TAFA2: variants seen among roughly 807,000 people sequenced by gnomAD.
TAFA2 encodes the protein chemokine-like protein TAFA-2.
Under a neutral mutation model 18.8 loss-of-function variants are expected in TAFA2, and 7 were observed. The observed-to-expected ratio is 0.37, with a 90% CI of 0.21 to 0.70. TAFA2 has a LOEUF of 0.70. Ranked by LOEUF, TAFA2 falls within the 30% of genes least tolerant of loss-of-function variation. The pLI, the probability that TAFA2 is intolerant of heterozygous loss-of-function variation, is 0.53. For missense variants in TAFA2, 122 were observed against 158.1 expected, an observed-to-expected ratio of 0.77 and a Z score of 1.23; for synonymous variants, 60 against 54.2, an observed-to-expected ratio of 1.11 and a Z score of -0.47.
chr12:62,042,428 TGC>T lies in TAFA2; in HGVS notation c.-2+148829_-2+148830del, dbSNP rs1555185799. Among the ~76,000 whole-genome samples the T allele has an allele frequency of 4.7e-3, 349 of 74,426 alleles. 1 individual carries two copies. Among genetic ancestry groups the T allele is most frequent in the South Asian group, 0.02 (61 of 2,994 alleles). The allele number at this position is 74,426 out of a possible 152,430, so 48.8% of individuals were successfully genotyped here. On this transcript the variant is annotated intron_variant, in intron 1 of 4. Coordinates refer to ENST00000416284, the MANE Select transcript of TAFA2 (RefSeq NM_178539.5). ...GTGTGTGTGTGTGTGTGTGTGTGTG[TGC>T]GCGTGTGTGTGTGTGTGTGTGACAT...
At chr12:61,813,649 T>C (rs1180763636) in intron 2 of TAFA2, among the ~76,000 whole-genome samples, 1 of 151,538 alleles carries the variant, frequency 6.6e-6, no homozygotes, top group African/African-American at 2.5e-5. Flanking sequence ...ATATTCTTCA[T>C]GTTTATTTCC....
intron 2 of TAFA2, among the ~76,000 whole-genome samples, chr12:61,793,579 T>C (rs1035868796): frequency 1.3e-5 from 2 of 151,748 alleles, no homozygotes; most frequent in Non-Finnish European, 3.0e-5. Flanking sequence ...CTCATATCTA[T>C]CAAATAAATT....
intron 1 of TAFA2, among the ~76,000 whole-genome samples, chr12:62,157,129 A>G (rs868427001): frequency 2.4e-4 from 36 of 152,216 alleles, no homozygotes; most frequent in Middle Eastern, 3.2e-3. Context: ...AAAATGAAGG[A>G]CAATAATAAA....
At chr12:62,038,992 T>G (rs1000731394) in intron 1 of TAFA2, among the ~76,000 whole-genome samples, 1 of 152,190 alleles carries the variant, frequency 6.6e-6, no homozygotes, top group South Asian at 2.1e-4. Flanking sequence ...ATTGCTCCTT[T>G]GCAACATCTG....
At chr12:62,004,942 T>A (rs78497597) in intron 1 of TAFA2, among the ~76,000 whole-genome samples, 1 of 151,898 alleles carries the variant, frequency 6.6e-6, no homozygotes, top group Admixed American at 6.6e-5. Context: ...AGAAAAATAA[T>A]GTATGATCTC....
intron 1 of TAFA2, among the ~76,000 whole-genome samples, chr12:61,900,690 TCC>T (rs1241985633): frequency 6.6e-6 from 1 of 151,974 alleles, no homozygotes; most frequent in East Asian, 1.9e-4. Context: ...TTCCATCAGA[TCC>T]CTCCCATGAC....
chr12:61,825,901 T>C (rs1312026810), intron 2 of TAFA2, among the ~76,000 whole-genome samples: 2 of 152,072 alleles, frequency 1.3e-5, no homozygotes, highest in African/African-American at 4.8e-5. Flanking sequence ...CCTATCCCTA[T>C]TTAAGTCATT....
In TAFA2 at chr12:62,058,964, G is replaced by A. The variant is rs547330477; in HGVS notation, c.-2+132295C>T. 2.4e-3 allele frequency among the ~76,000 whole-genome samples: 371 copies of A among 152,180 alleles called. 1 individual carries two copies. Among genetic ancestry groups the A allele is most frequent in the Middle Eastern group, 0.01 (3 of 294 alleles). ...TAAAAATACAAAAAATTAGCCTGGCGTGGTGGCGGGCGCCTGTAGTCTCAG... is the reference window on the plus strand; with the variant it reads ...TAAAAATACAAAAAATTAGCCTGGCATGGTGGCGGGCGCCTGTAGTCTCAG... On this transcript the variant is annotated intron_variant, in intron 1 of 4. Coordinates refer to ENST00000416284, the MANE Select transcript of TAFA2 (RefSeq NM_178539.5).
intron 1 of TAFA2, among the ~76,000 whole-genome samples, chr12:62,055,121 G>A (rs1882154889): frequency 6.6e-6 from 1 of 152,116 alleles, no homozygotes; most frequent in Non-Finnish European, 1.5e-5. Context: ...AGGTCCCAGA[G>A]AGCTCCCTCC....
intron 1 of TAFA2, among the ~76,000 whole-genome samples, chr12:62,224,812 C>CA (rs1205094631): frequency 3.9e-5 from 6 of 152,104 alleles, no homozygotes; most frequent in Non-Finnish European, 8.8e-5. Flanking sequence ...AATGAGTGTA[C>CA]TTAATGCCAC....
intron 1 of TAFA2, among the ~76,000 whole-genome samples, chr12:61,871,604 G>T (rs1163316951): frequency 6.6e-6 from 1 of 152,170 alleles, no homozygotes; most frequent in East Asian, 1.9e-4. Flanking sequence ...GAGCACAAGG[G>T]AAAAGAGGAA....
chr12:61,949,336 T>C (rs995169000), intron 1 of TAFA2, among the ~76,000 whole-genome samples: 2 of 152,116 alleles, frequency 1.3e-5, no homozygotes, highest in African/African-American at 4.8e-5. Context: ...ATGGAACTTA[T>C]ACCACTGGCT....
Position 61,888,667 on chromosome 12 carries a change from A to C in TAFA2, c.-1-21241T>G, listed in dbSNP as rs1049536421. Among the ~76,000 whole-genome samples the C allele has an allele frequency of 8.5e-5, 13 of 152,218 alleles. 1 individual carries two copies. The highest frequency in any genetic ancestry group is 6.5e-5 in the Admixed American group (1 of 15,294). On this transcript the variant is annotated intron_variant, in intron 1 of 4. Coordinates refer to ENST00000416284, the MANE Select transcript of TAFA2 (RefSeq NM_178539.5). ...AGATAAAAATACTTTTTGAATAAAA[A>C]TTAGGGTCCCCAAGCAAGGATGCAA...
chr12:61,933,171 T>C (rs1877632125), intron 1 of TAFA2, among the ~76,000 whole-genome samples: 1 of 152,194 alleles, frequency 6.6e-6, no homozygotes, highest in African/African-American at 2.4e-5. Context: ...ATGTGTCTCA[T>C]TTCTAGATTT....
intron 1 of TAFA2, among the ~76,000 whole-genome samples, chr12:61,991,642 TA>T (rs963334712): frequency 3.3e-5 from 5 of 152,200 alleles, no homozygotes; most frequent in African/African-American, 4.8e-5. Flanking sequence ...CCATCTTTTT[TA>T]AAAAAACTTT....
intron 1 of TAFA2, among the ~76,000 whole-genome samples, chr12:61,962,751 A>T (rs1331391991): frequency 2.6e-5 from 4 of 151,752 alleles, no homozygotes; most frequent in African/African-American, 9.7e-5. Context: ...TCTGTATTAA[A>T]TTTTTTTTAT....
intron 1 of TAFA2, among the ~76,000 whole-genome samples, chr12:61,917,651 C>G (rs1372637830): frequency 6.6e-6 from 1 of 152,136 alleles, no homozygotes; most frequent in Admixed American, 6.6e-5. Context: ...GAGGGCAGTG[C>G]ATTTTTTCAT....
At chr12:62,189,191 T>TCA (rs111625171) in intron 1 of TAFA2, among the ~76,000 whole-genome samples, 1 of 148,658 alleles carries the variant, frequency 6.7e-6, no homozygotes, top group African/African-American at 2.5e-5. Flanking sequence ...GATTTTCACA[T>TCA]AAAAAAAAAA....
At chr12:61,968,370 T>C (rs1457305282) in intron 1 of TAFA2, among the ~76,000 whole-genome samples, 2 of 151,810 alleles carry the variant, frequency 1.3e-5, no homozygotes, top group Non-Finnish European at 2.9e-5. Context: ...ATTAGTACTC[T>C]ACATATGAAT....
Sources: gnomAD v4.1 joint callset for allele counts (sites outside exome capture counted in the v4.1 genomes callset) on GRCh38, gnomAD v4.1.1 for gene constraint, MANE v1.5 for transcripts, NCBI Gene and HGNC (gene_info 2026-07-23, HGNC 2026-07-21) for gene names.